Variants in CHGA observed in about 807,000 individuals in gnomAD.
The protein encoded by CHGA is chromogranin-A.
A neutral mutation model predicts 54.4 loss-of-function variants in CHGA; 41 were observed. That is an observed-to-expected ratio of 0.75 (90% CI 0.59 to 0.98). The LOEUF (loss-of-function observed/expected upper bound fraction) is 0.98. Among genes scored for constraint, CHGA ranks in the 50% least tolerant of loss-of-function variants. The pLI, the probability that CHGA is intolerant of heterozygous loss-of-function variation, is 0.00. For synonymous variants in CHGA, 249 were observed against 232.8 expected (o/e 1.07, Z -0.63); for missense variants, 576 against 582.3 (o/e 0.99, Z 0.11).
At chr14:92,924,364 G>A (rs1474442647) in intron 2 of CHGA, 119 bp downstream of exon 2, 4 of 950,732 alleles carry the variant, frequency 4.2e-6, no homozygotes, top group Non-Finnish European at 6.2e-6. Flanking sequence ...TGCGGCTGCT[G>A]AGCCTGGGGA....
intron 1 of CHGA, among the ~76,000 whole-genome samples, chr14:92,923,639 G>T (rs990606653): frequency 6.6e-6 from 1 of 152,194 alleles, no homozygotes; most frequent in Non-Finnish European, 1.5e-5. Flanking sequence ...TCCCCCTTGT[G>T]CCCACCCCTT....
At chr14:92,925,826 G>A (rs1195639893) in intron 2 of CHGA, among the ~76,000 whole-genome samples, 1 of 152,210 alleles carries the variant, frequency 6.6e-6, no homozygotes, top group Non-Finnish European at 1.5e-5. Flanking sequence ...CTGAGGCTCA[G>A]AGAGGTTAAG....
chr14:92,923,368 C>A lies in CHGA; in HGVS notation c.9C>A (p.Ser3=). The A allele has an allele frequency of 7.6e-7, 1 of 1,307,894 alleles. No individual in the cohort carries two copies. The highest frequency in any genetic ancestry group is 3.8e-5 in the Admixed American group (1 of 26,030). 81.0% of individuals were successfully genotyped at this position (1,307,894 alleles called of 1,614,324 possible). MR[S]AAVLALLLCA... ...CGGCGCCCGGGTCCGCCATGCGCTC[C>A]GCCGCTGTCCTGGCTCTTCTGCTCT... The change falls in exon 1 of 8, where the codon TCC becomes TCA. Residue 3 remains serine, a synonymous_variant. Coordinates refer to ENST00000216492, the MANE Select transcript of CHGA (RefSeq NM_001275.4).
Position 92,931,714 on chromosome 14 carries a change from G to A in CHGA, c.808+12G>A, listed in dbSNP as rs1887002823. 16 of 1,547,016 alleles carry A rather than the reference G, an allele frequency of 1.0e-5. No individual in the cohort carries two copies. The highest frequency in any genetic ancestry group is 1.4e-5 in the Non-Finnish European group (16 of 1,143,134). ...CCGGAAAGGCGAGAGTACGTATGAT[G>A]GCGAAGACCTCAACGAACGTGTCTG... On this transcript the variant is annotated intron_variant, in intron 6 of 7. Transcript: ENST00000216492.
Position 92,934,811 on chromosome 14 carries a change from T to C in CHGA, c.1301T>C (p.Leu434Pro), listed in dbSNP as rs1170773356. 6 of 1,583,406 alleles carry C rather than the reference T, an allele frequency of 3.8e-6. No individual in the cohort carries two copies. In the South Asian group the frequency reaches 7.0e-5, roughly 18 times the overall value. The change falls in exon 8 of 8, where the codon CTG becomes CCG. Residue 434 changes from leucine (L) to proline (P), a missense_variant. Transcript: ENST00000216492. ...SANRRPEDQE[L>P]ESLSAIEAEL... ...CAATGTCTCTCCTAGGACCAGGAGCTGGAGAGCCTGTCGGCCATTGAAGCA... is the reference window on the plus strand; with the variant it reads ...CAATGTCTCTCCTAGGACCAGGAGCCGGAGAGCCTGTCGGCCATTGAAGCA...
At position 92,931,306 on chromosome 14, in the gene CHGA, G is replaced by A. The variant is rs1445160522; in HGVS notation, c.412G>A (p.Glu138Lys). The change falls in exon 6 of 8, where the codon GAG (glutamate) becomes AAG (lysine). Residue 138 changes from glutamate to lysine, a missense_variant. Transcript: ENST00000216492. ...DVMEKREDSKEAEKSGEATDG... is the reference protein window; with the variant it reads ...DVMEKREDSKKAEKSGEATDG... ...TATGGAGAAAAGAGAGGATTCCAAG[G>A]AGGCAGAGAAAAGTGGTGAAGCCAC... 6.2e-7 allele frequency: 1 copy of A among 1,613,622 alleles called. No individual in the cohort carries two copies.
At chr14:92,931,134 G>C in intron 5 of CHGA, 116 bp from the exon 6 acceptor site, 1 of 1,046,940 alleles carries the variant, frequency 9.6e-7, no homozygotes, top group South Asian at 1.6e-5. Context: ...CGTTGTCCTG[G>C]GCTGGGCTCG....
chr14:92,923,600 G>C (rs1371639495), intron 1 of CHGA, among the ~76,000 whole-genome samples, 195 bp downstream of exon 1: 1 of 152,202 alleles, frequency 6.6e-6, no homozygotes, highest in East Asian at 1.9e-4. Flanking sequence ...CAAGACACTT[G>C]GGCCTGACTC....
In CHGA at chr14:92,931,648, G is replaced by C; in HGVS notation, c.754G>C (p.Val252Leu). Reference protein sequence around the residue: ...EAVPEEEGPTVVLNPHPSLGY... With the variant: ...EAVPEEEGPTLVLNPHPSLGY... ...TGTCCCCGAGGAAGAAGGCCCCACT[G>C]TAGTGCTGAACCCCCACCCGAGCCT... is the stretch of plus-strand genomic sequence containing the variant. Residue 252 changes from valine (V) to leucine (L), a missense_variant, in exon 6 of 8, where the codon GTA becomes CTA. Physicochemically the swap from Val to Leu is conservative, Grantham distance 32. Transcript: ENST00000216492. 1 of 1,607,260 alleles carries C rather than the reference G, an allele frequency of 6.2e-7. No individual in the cohort carries two copies. The highest frequency in any genetic ancestry group is 8.5e-7 in the Non-Finnish European group (1 of 1,175,560).
In CHGA at chr14:92,923,307, G is replaced by A; in HGVS notation, c.-53G>A. The A allele has an allele frequency of 2.3e-6, 3 of 1,293,114 alleles. No individual in the cohort carries two copies. Among genetic ancestry groups the A allele is most frequent in the Admixed American group, 3.9e-5 (1 of 25,912 alleles). The allele number at this position is 1,293,114 out of a possible 1,614,324, so 80.1% of individuals were successfully genotyped here. ...CCGCCAGTCCAGCCGCCCCTCGCCC[G>A]GTGCCTAGGTGCCCGGCCCCACACC... On this transcript the variant is annotated 5_prime_UTR_variant, in exon 1 of 8. Coordinates refer to ENST00000216492, the MANE Select transcript of CHGA (RefSeq NM_001275.4).
chr14:92,930,140 C>T (rs1225917333), intron 5 of CHGA, among the ~76,000 whole-genome samples: 1 of 152,198 alleles, frequency 6.6e-6, no homozygotes, highest in Non-Finnish European at 1.5e-5. Flanking sequence ...ACCCAGTGGC[C>T]ACTGTAGCAG....
chr14:92,932,715 G>C lies in CHGA; in HGVS notation c.1154G>C (p.Gly385Ala), dbSNP rs1280075530. 1 of 1,611,108 alleles carries C rather than the reference G, an allele frequency of 6.2e-7. No individual in the cohort carries two copies. Among genetic ancestry groups the C allele is most frequent in the Admixed American group, 1.7e-5 (1 of 59,928 alleles). The change falls in exon 7 of 8, where the codon GGC becomes GCC. Residue 385 changes from glycine (G) to alanine (A), a missense_variant. Physicochemically the swap from Gly to Ala is moderately conservative, Grantham distance 60. Coordinates refer to ENST00000216492, the MANE Select transcript of CHGA (RefSeq NM_001275.4). The surrounding 1 kb of genome is among the most constrained non-coding windows in gnomAD (Gnocchi z 5.3). The part of the protein sequence containing the change: ...SFRARAYGFR[G>A]PGPQLRRGWR... Reference sequence around the variant, plus strand: ...CGGGCCCGGGCCTACGGCTTCAGGGGCCCTGGGCCGCAGCTGCGACGAGGC... The same window carrying C: ...CGGGCCCGGGCCTACGGCTTCAGGGCCCCTGGGCCGCAGCTGCGACGAGGC...
Position 92,934,782 on chromosome 14 carries a change from AC to A in CHGA, c.1291-15del. The A allele has an allele frequency of 1.9e-6, 3 of 1,564,832 alleles. No homozygotes were observed. Among genetic ancestry groups the A allele is most frequent in the Non-Finnish European group, 2.6e-6 (3 of 1,154,496 alleles). The stretch of plus-strand genomic sequence containing the variant: ...CCACTGGCCAGGCTGGCCCGAGTGA[AC>A]CCCAATGTCTCTCCTAGGACCAGGA... On this transcript the variant is annotated intron_variant, in intron 7 of 7. Transcript: ENST00000216492.
rs759752953 is a variant in CHGA, at chr14:92,934,891, G to A, written c.*7G>A. On this transcript the variant is annotated 3_prime_UTR_variant, in exon 8 of 8. Transcript: ENST00000216492. The stretch of plus-strand genomic sequence containing the variant: ...GGCACTACGGCGGGGCTGAGACACC[G>A]GCTGGCAGGGCTGGCCCCAGGGCAC... 78 of 1,550,462 alleles carry A rather than the reference G, an allele frequency of 5.0e-5. No homozygotes were observed. Among genetic ancestry groups the A allele is most frequent in the Middle Eastern group, 1.7e-4 (1 of 5,884 alleles).
At position 92,932,712 on chromosome 14, in the gene CHGA, G is replaced by A. The variant is rs757638830; in HGVS notation, c.1151G>A (p.Arg384Lys). ...LSFRARAYGF[R>K]GPGPQLRRGW... ...TTCCGGGCCCGGGCCTACGGCTTCA[G>A]GGGCCCTGGGCCGCAGCTGCGACGA... is the stretch of plus-strand genomic sequence containing the variant. Residue 384 changes from arginine (R) to lysine (K), a missense_variant, in exon 7 of 8, where the codon AGG becomes AAG. Transcript: ENST00000216492. This position sits in a 1 kb window ranked among gnomAD's most constrained non-coding sequence, Gnocchi z 5.3. 6.8e-6 allele frequency: 11 copies of A among 1,611,090 alleles called. No individual in the cohort carries two copies. The highest frequency in any genetic ancestry group is 2.2e-5 in the South Asian group (2 of 90,556).
chr14:92,929,526 C>G (rs1886952453), intron 4 of CHGA, among the ~76,000 whole-genome samples, 191 bp from the exon 5 acceptor site: 1 of 152,216 alleles, frequency 6.6e-6, no homozygotes, highest in Non-Finnish European at 1.5e-5. Context: ...TGCCTGAGGG[C>G]CCAGCTGAGA....
intron 1 of CHGA, 146 bp downstream of exon 1, chr14:92,923,551 C>A: frequency 1.5e-6 from 1 of 674,510 alleles, no homozygotes; most frequent in Non-Finnish European, 2.1e-6. Flanking sequence ...GCCTCCGCCT[C>A]CCGCCTGACC....
chr14:92,924,335 TA>T, intron 2 of CHGA, 90 bp downstream of exon 2: 3 of 1,342,784 alleles, frequency 2.2e-6, no homozygotes, highest in Non-Finnish European at 3.1e-6. Context: ...AAGTTCGGCA[TA>T]AAGCCAAGAG....
Position 92,935,273 on chromosome 14 carries a change from T to G in CHGA, c.*389T>G. ...CTTTATCTAAAGAAAAATAAATCTG[T>G]TCTGGGCTCTTTCCTCTGAATTTTT... On this transcript the variant is annotated 3_prime_UTR_variant, in exon 8 of 8. Transcript: ENST00000216492. 5.6e-6 allele frequency: 1 copy of G among 178,578 alleles called. No individual in the cohort carries two copies. The allele number at this position is 178,578 out of a possible 1,614,324, so 11.1% of individuals were successfully genotyped here. A position where few individuals can be genotyped will look rare whatever the true frequency, so the allele number is the denominator to read the frequency against.
Sources: gnomAD v4.1 joint callset for allele counts (sites outside exome capture counted in the v4.1 genomes callset) on GRCh38, gnomAD v4.1.1 for gene constraint, Gnocchi (gnomAD v3.1) non-coding constraint, MANE v1.5 for transcripts, NCBI Gene and HGNC (gene_info 2026-07-23, HGNC 2026-07-21) for gene names.